CLVS1: variants seen among roughly 807,000 people sequenced by gnomAD.
CLVS1 encodes the protein clavesin-1.
Under a neutral mutation model 33.1 loss-of-function variants are expected in CLVS1, and 10 were observed. That is an observed-to-expected ratio of 0.30 (90% CI 0.19 to 0.51). The LOEUF (loss-of-function observed/expected upper bound fraction) is 0.51, where lower values mean the gene tolerates loss of function less well. Among genes scored for constraint, CLVS1 ranks in the 20% least tolerant of loss-of-function variants. The probability of loss-of-function intolerance (pLI) is 0.97; values close to 1 mark genes in which losing one functional copy is unlikely to be tolerated. For synonymous variants in CLVS1, 163 were observed against 166.1 expected, an observed-to-expected ratio of 0.98 and a Z score of 0.14; for missense variants, 343 against 433.4, an observed-to-expected ratio of 0.79 and a Z score of 1.85.
intron 5 of CLVS1, among the ~76,000 whole-genome samples, chr8:61,497,120 AG>A (rs1251908411): frequency 2.0e-5 from 3 of 152,192 alleles, no homozygotes; most frequent in African/African-American, 7.2e-5. Context: ...TGTTGTGTTG[AG>A]GGGGTCCTCA....
chr8:61,033,119 G>GA, the CLVS1 span, among the ~76,000 whole-genome samples: 9,285 of 48,700 alleles, frequency 0.19, 1,394 homozygotes, highest in African/African-American at 0.27. Flanking sequence ...AAGAAGGAAG[G>GA]AAGAAAGGAA....
rs1811057091 is a variant in CLVS1, at chr8:61,317,601, C to T, written c.455+17319C>T. On this transcript the variant is annotated intron_variant, in intron 2 of 5. Transcript: ENST00000325897. ...CAGCAGTCTATGAGAGCACCCATTT[C>T]TCCTTAGCACCGCTGTTGGTCTGAA... Among the ~76,000 whole-genome samples, 6 of 152,180 alleles carry T rather than the reference C, an allele frequency of 3.9e-5. No individual in the cohort carries two copies. In the South Asian group the frequency reaches 1.2e-3, roughly 32 times the overall value.
chr8:61,258,241 G>A (rs918846591), intron 2 of CLVS1, among the ~76,000 whole-genome samples: 7 of 152,178 alleles, frequency 4.6e-5, no homozygotes, highest in African/African-American at 7.2e-5. Flanking sequence ...AGATTTTTGA[G>A]CTACTGCATG....
intron 2 of CLVS1, among the ~76,000 whole-genome samples, chr8:61,183,989 C>A (rs1807292697): frequency 6.6e-6 from 1 of 152,184 alleles, no homozygotes; most frequent in African/African-American, 2.4e-5. Context: ...AGTGTGCCAG[C>A]TTCCTAGGCA....
intron 3 of CLVS1, among the ~76,000 whole-genome samples, chr8:61,437,332 T>A (rs887519865): frequency 2.0e-5 from 3 of 152,180 alleles, no homozygotes; most frequent in Admixed American, 1.3e-4. Context: ...GCAAATAAAG[T>A]TTTCAGGTAA....
At chr8:61,061,439 C>A (rs570498724) in intron 1 of CLVS1, among the ~76,000 whole-genome samples, 1 of 152,294 alleles carries the variant, frequency 6.6e-6, no homozygotes, top group South Asian at 2.1e-4. Context: ...GTATTGCTTC[C>A]TGCACAATCA....
At chr8:61,409,763 T>C (rs560231969) in intron 3 of CLVS1, among the ~76,000 whole-genome samples, 1 of 152,216 alleles carries the variant, frequency 6.6e-6, no homozygotes, top group Non-Finnish European at 1.5e-5. Context: ...GCCAATCATG[T>C]ATGAGAATGT....
chr8:61,090,517 G>A (rs1805223227), intron 1 of CLVS1, among the ~76,000 whole-genome samples: 1 of 151,284 alleles, frequency 6.6e-6, no homozygotes, highest in Non-Finnish European at 1.5e-5. Context: ...CTGCAAACAT[G>A]TGCTACCCTT....
At chr8:61,474,144 G>T (rs1306908834) in intron 5 of CLVS1, among the ~76,000 whole-genome samples, 1 of 152,134 alleles carries the variant, frequency 6.6e-6, no homozygotes, top group Non-Finnish European at 1.5e-5. Context: ...GTCATACAGC[G>T]CAAGACACCA....
chr8:61,363,487 A>T (rs1813066416), intron 2 of CLVS1, among the ~76,000 whole-genome samples: 1 of 152,152 alleles, frequency 6.6e-6, no homozygotes, highest in African/African-American at 2.4e-5. Context: ...ATAATTCGGG[A>T]TGTAATTAAG....
At chr8:61,085,239 T>A (rs926982218) in intron 1 of CLVS1, among the ~76,000 whole-genome samples, 1 of 152,220 alleles carries the variant, frequency 6.6e-6, no homozygotes, top group African/African-American at 2.4e-5. Context: ...ATCCATAGCC[T>A]TGTAATAAAT....
At chr8:60,998,018 C>G in the CLVS1 span, among the ~76,000 whole-genome samples, 2 of 151,956 alleles carry the variant, frequency 1.3e-5, no homozygotes, top group African/African-American at 4.8e-5. Context: ...GGAAGGAAGG[C>G]GTCATCTTCC....
chr8:61,106,348 A>G (rs1805538304), intron 1 of CLVS1, among the ~76,000 whole-genome samples: 1 of 152,252 alleles, frequency 6.6e-6, no homozygotes, highest in Non-Finnish European at 1.5e-5. Context: ...CAGCCAAATA[A>G]AAGATTTCCA....
the CLVS1 span, among the ~76,000 whole-genome samples, chr8:61,019,192 G>A: frequency 6.6e-6 from 1 of 152,224 alleles, no homozygotes; most frequent in African/African-American, 2.4e-5. Flanking sequence ...ATGAGAGTAG[G>A]CAGTCCATGG....
At position 61,269,763 on chromosome 8, in the gene CLVS1, T is replaced by G. The variant is rs1342545706; in HGVS notation, c.-151-29914T>G. On this transcript the variant is annotated intron_variant, in intron 2 of 2. Transcript: ENST00000522621. ...TTGTAAGTTGGATTCCTAGGTATTTTATTCTCTTTGAAGCAATTGTGAATG... is the reference window on the plus strand; with the variant it reads ...TTGTAAGTTGGATTCCTAGGTATTTGATTCTCTTTGAAGCAATTGTGAATG... Among the ~76,000 whole-genome samples, 197 of 149,052 alleles carry G rather than the reference T, an allele frequency of 1.3e-3. 1 individual carries two copies. The highest frequency in any genetic ancestry group is 4.4e-3 in the South Asian group (20 of 4,578).
intron 1 of CLVS1, among the ~76,000 whole-genome samples, chr8:61,108,238 T>TAAA (rs778625762): frequency 7.4e-6 from 1 of 134,732 alleles, no homozygotes; most frequent in African/African-American, 2.8e-5. Flanking sequence ...AAAAAAACCA[T>TAAA]AAAAAAAAAA....
the CLVS1 span, among the ~76,000 whole-genome samples, chr8:60,966,720 A>G: frequency 6.6e-6 from 1 of 152,198 alleles, no homozygotes; most frequent in African/African-American, 2.4e-5. Flanking sequence ...CTTTAGCAAG[A>G]CTGTTGAATG....
chr8:61,320,007 C>T (rs1247334466), intron 2 of CLVS1, among the ~76,000 whole-genome samples: 6 of 151,910 alleles, frequency 3.9e-5, no homozygotes, highest in Non-Finnish European at 8.8e-5. Flanking sequence ...GCATTTTTAT[C>T]AATTTCTCGG....
intron 2 of CLVS1, among the ~76,000 whole-genome samples, chr8:61,181,828 T>G (rs1585668636): frequency 6.7e-6 from 1 of 149,982 alleles, no homozygotes; most frequent in Non-Finnish European, 1.5e-5. Context: ...GCCTCCCGAG[T>G]AGCTGGGACT....
Sources: gnomAD v4.1 joint callset for allele counts (sites outside exome capture counted in the v4.1 genomes callset) on GRCh38, gnomAD v4.1.1 for gene constraint, MANE v1.5 for transcripts, NCBI Gene and HGNC (gene_info 2026-07-23, HGNC 2026-07-21) for gene names.